Variants in ZNF334 observed in about 807,000 individuals in gnomAD.
The protein encoded by ZNF334 is zinc finger protein 334.
Under a neutral mutation model 12.4 loss-of-function variants are expected in ZNF334, and 14 were observed. The observed-to-expected ratio is 1.13, with a 90% CI of 0.74 to 1.76. The LOEUF (loss-of-function observed/expected upper bound fraction) is 1.76, where lower values mean the gene tolerates loss of function less well. Among genes scored for constraint, ZNF334 ranks in the 40% most tolerant of loss-of-function variants. The pLI is 0.00. For synonymous variants in ZNF334, 273 were observed against 269.6 expected, an observed-to-expected ratio of 1.01 and a Z score of -0.12; for missense variants, 797 against 804.5, an observed-to-expected ratio of 0.99 and a Z score of 0.11.
At chr20:46,467,341 AC>A in the ZNF334 span, among the ~76,000 whole-genome samples, 36 of 152,358 alleles carry the variant, frequency 2.4e-4, no homozygotes, top group African/African-American at 8.7e-4. Context: ...ATATGTAAAT[AC>A]CAAATACAGG....
Position 46,502,563 on chromosome 20 carries a change from T to C in ZNF334, c.776A>G (p.His259Arg), listed in dbSNP as rs754878273. Residue 259 changes from histidine to arginine, a missense_variant, in exon 5 of 5, where the codon CAT (histidine) becomes CGT (arginine). By Grantham distance (29) the His-to-Arg change is conservative. Transcript: ENST00000692313. Reference sequence around the variant, plus strand: ...ACAAACATACGGTTTCTCCCCTGTATGAATTCTCTGATGTACAATGAGGGT... The same window carrying C: ...ACAAACATACGGTTTCTCCCCTGTACGAATTCTCTGATGTACAATGAGGGT... Reference protein sequence around the residue: ...RSTLIVHQRIHTGEKPYVCSD... With the variant: ...RSTLIVHQRIRTGEKPYVCSD... 6.2e-7 allele frequency: 1 copy of C among 1,613,970 alleles called. No individual in the cohort carries two copies. The highest frequency in any genetic ancestry group is 1.1e-5 in the South Asian group (1 of 91,064).
downstream of ZNF334, among the ~76,000 whole-genome samples, chr20:46,497,757 C>T (rs2061047924): frequency 6.6e-6 from 1 of 152,200 alleles, no homozygotes; most frequent in East Asian, 1.9e-4. Flanking sequence ...ATAAAACTCT[C>T]TCATTCTCTC....
At chr20:46,471,256 T>C in the ZNF334 span, among the ~76,000 whole-genome samples, 1 of 152,324 alleles carries the variant, frequency 6.6e-6, no homozygotes, top group Non-Finnish European at 1.5e-5. Flanking sequence ...CATTTTGATA[T>C]TGGGTGTGTG....
At chr20:46,512,055 T>C (rs2146021472) in intron 2 of ZNF334, 27 bp downstream of exon 2, 1 of 1,611,716 alleles carries the variant, frequency 6.2e-7, no homozygotes, top group Non-Finnish European at 8.5e-7. Context: ...CTGTATAATG[T>C]GAGAAGTAAA....
At position 46,501,371 on chromosome 20, in the gene ZNF334, A is replaced by G. The variant is rs756255985; in HGVS notation, c.1968T>C (p.Tyr656=). 16 of 1,614,056 alleles carry G rather than the reference A, an allele frequency of 9.9e-6. No individual in the cohort carries two copies. Among genetic ancestry groups the G allele is most frequent in the South Asian group, 2.2e-5 (2 of 91,084 alleles). The part of the protein sequence containing the change: ...HQKIHTGEKP[Y]ECNKCEKTFR... ...ATGTTTTCTCACATTTGTTACATTC[A>G]TAAGGTTTCTCTCCTGTGTGTATTT... Residue 656 remains tyrosine, a synonymous_variant, in exon 5 of 5, where the codon TAT becomes TAC. Transcript: ENST00000692313.
Position 46,501,858 on chromosome 20 carries a change from C to T in ZNF334, c.1481G>A (p.Cys494Tyr), listed in dbSNP as rs1217848887. The T allele has an allele frequency of 5.6e-6, 9 of 1,614,114 alleles. No homozygotes were observed. Among genetic ancestry groups the T allele is most frequent in the Non-Finnish European group, 7.6e-6 (9 of 1,180,002 alleles). Reference sequence around the variant, plus strand: ...TGACTTCACAATGGAGATTCTACCACATTTATTAAACACACCATGTTTCTC... The same window carrying T: ...TGACTTCACAATGGAGATTCTACCATATTTATTAAACACACCATGTTTCTC... ...TGEKHGVFNK[C>Y]GRISIVKSNC... The change falls in exon 5 of 5, where the codon TGT (cysteine) becomes TAT (tyrosine). Residue 494 changes from cysteine (C) to tyrosine (Y), a missense_variant. By Grantham distance (194) the Cys-to-Tyr change is radical (BLOSUM62 -2). Transcript: ENST00000692313.
At chr20:46,472,654 T>G in the ZNF334 span, among the ~76,000 whole-genome samples, 1 of 151,980 alleles carries the variant, frequency 6.6e-6, no homozygotes, top group African/African-American at 2.4e-5. Flanking sequence ...AGAAGAGGGA[T>G]AAAGGGTTAA....
intron 2 of ZNF334, chr20:46,505,166 GTA>G (rs1434529822): frequency 2.0e-5 from 3 of 153,804 alleles, no homozygotes; most frequent in African/African-American, 7.2e-5. Flanking sequence ...AATATAAACA[GTA>G]TGTTTTATAG....
In ZNF334 at chr20:46,509,516, C is replaced by T. The variant is rs34968422; in HGVS notation, c.21+2566G>A. 7.8e-3 allele frequency: 5,492 copies of T among 701,138 alleles called. 43 individuals are homozygous for T. Among genetic ancestry groups the T allele is most frequent in the Non-Finnish European group, 0.011 (4,381 of 383,502 alleles). 43.4% of individuals were successfully genotyped at this position (701,138 alleles called of 1,614,324 possible). A position where few individuals can be genotyped will look rare whatever the true frequency, so the allele number is the denominator to read the frequency against. On this transcript the variant is annotated intron_variant, in intron 2 of 4. Coordinates refer to ENST00000692313, the MANE Select transcript of ZNF334 (RefSeq NM_001353824.2). ...CATGGGGTCAGCACGTGGGTCAGCA[C>T]ATGGGACATCTCTGGGAGGACCACC...
downstream of ZNF334, among the ~76,000 whole-genome samples, chr20:46,498,970 C>A (rs1253204504): frequency 6.6e-6 from 1 of 151,710 alleles, no homozygotes; most frequent in East Asian, 1.9e-4. Flanking sequence ...GTCAGGAGAT[C>A]GAGACCATCC....
At chr20:46,504,054 G>C (rs2061343658) in intron 4 of ZNF334, among the ~76,000 whole-genome samples, 160 bp downstream of exon 4, 1 of 152,178 alleles carries the variant, frequency 6.6e-6, no homozygotes, top group South Asian at 2.1e-4. Flanking sequence ...GAATGTTTCA[G>C]ATGTCCATAG....
At position 46,502,288 on chromosome 20, in the gene ZNF334, A is replaced by G. The variant is rs778634030; in HGVS notation, c.1051T>C (p.Cys351Arg). ...RSHTGEKPYE[C>R]KECGNAFSKK... ...CTGAAGGCATTTCCACATTCCTTGC[A>G]TTCGTAAGGCTTCTCCCCTGTGTGT... Residue 351 changes from cysteine to arginine, a missense_variant, in exon 5 of 5, where the codon TGC becomes CGC. Transcript: ENST00000692313. 2 of 1,614,144 alleles carry G rather than the reference A, an allele frequency of 1.2e-6. No individual in the cohort carries two copies. Among genetic ancestry groups the G allele is most frequent in the East Asian group, 2.2e-5 (1 of 44,872 alleles).
chr20:46,465,553 C>A, the ZNF334 span, among the ~76,000 whole-genome samples: 1 of 152,056 alleles, frequency 6.6e-6, no homozygotes. Context: ...AACAAACAAA[C>A]AAACAAAAAA....
the ZNF334 span, among the ~76,000 whole-genome samples, chr20:46,485,970 T>A: frequency 1.3e-5 from 2 of 152,216 alleles, no homozygotes; most frequent in Admixed American, 1.3e-4. Context: ...GAAGTTATAG[T>A]CACTTTCACA....
downstream of ZNF334, among the ~76,000 whole-genome samples, chr20:46,499,393 G>A (rs1012249488): frequency 2.6e-5 from 4 of 151,884 alleles, no homozygotes; most frequent in Admixed American, 1.3e-4. Flanking sequence ...GGCAGCCCTA[G>A]GAGATGAATA....
chr20:46,511,609 T>C (rs1229833071), intron 2 of ZNF334, among the ~76,000 whole-genome samples: 2 of 152,240 alleles, frequency 1.3e-5, no homozygotes, highest in Non-Finnish European at 2.9e-5. Context: ...TTATTTGTTA[T>C]AGGTTTTATC....
At chr20:46,481,622 A>C in the ZNF334 span, among the ~76,000 whole-genome samples, 1 of 152,214 alleles carries the variant, frequency 6.6e-6, no homozygotes, top group Non-Finnish European at 1.5e-5. Flanking sequence ...ACTTGCTCTC[A>C]AATCTATGGG....
rs41283034 is a variant in ZNF334 at position 46,504,651 on chromosome 20, A to G, written c.111T>C (p.Asp37=). ...LDPAQRLLYR[D]VMLENYSNLV... ...AGTTGCTGTAGTTCTCCAGCATCAC[A>G]TCCCTGTACAGGAGCCTCTGAGCAG... is the stretch of plus-strand genomic sequence containing the variant. Residue 37 remains aspartate, a synonymous_variant, in exon 3 of 5, where the codon GAT becomes GAC. Transcript: ENST00000692313. The G allele has an allele frequency of 0.011, 17,507 of 1,609,216 alleles. 118 individuals carry two copies. The highest frequency in any genetic ancestry group is 0.013 in the Non-Finnish European group (15,703 of 1,178,392).
At position 46,509,676 on chromosome 20, in the gene ZNF334, T is replaced by C. The variant is rs890933503; in HGVS notation, c.21+2406A>G. The C allele has an allele frequency of 5.7e-6, 4 of 702,872 alleles. No homozygotes were observed. In the African/African-American group the frequency reaches 7.0e-5, roughly 12 times the overall value. 43.5% of individuals were successfully genotyped at this position (702,872 alleles called of 1,614,324 possible). ...GAGTTAACTTGCGCACACTTCCAGG[T>C]TGCATCATCTGGCTCCACCATCTGG... On this transcript the variant is annotated intron_variant, in intron 2 of 4. Transcript: ENST00000692313.
Sources: allele counts gnomAD v4.1 joint callset (sites outside exome capture counted in the v4.1 genomes callset), GRCh38; gene constraint gnomAD v4.1.1; transcripts MANE v1.5; gene names NCBI Gene and HGNC (gene_info 2026-07-23, HGNC 2026-07-21).